The following PRDM2 variants were observed in gnomAD, a reference collection of about 807,000 sequenced individuals.
PRDM2 encodes the protein PR domain zinc finger protein 2.
In PRDM2, 30 loss-of-function variants were observed where a neutral mutation model predicts 130.0. The ratio of observed to expected loss-of-function variants is 0.23; its 90% confidence interval spans 0.17 to 0.31. The LOEUF (loss-of-function observed/expected upper bound fraction) is 0.31. Ranked by LOEUF, PRDM2 falls within the 10% of genes least tolerant of loss-of-function variation. The probability of loss-of-function intolerance (pLI) is 1.00; values close to 1 mark genes in which losing one functional copy is unlikely to be tolerated. For missense variants in PRDM2, 2,011 were observed against 2,108.4 expected (o/e 0.95, Z 0.90); for synonymous variants, 871 against 782.4 (o/e 1.11, Z -1.89).
chr1:13,811,039 C>T (rs945608374), intron 8 of PRDM2, among the ~76,000 whole-genome samples: 1 of 151,946 alleles, frequency 6.6e-6, no homozygotes, highest in African/African-American at 2.4e-5. Flanking sequence ...CAAAAATTAG[C>T]CGGGCATGGT....
intron 7 of PRDM2, among the ~76,000 whole-genome samples, chr1:13,776,604 T>C (rs2100649487): frequency 6.6e-6 from 1 of 152,346 alleles, no homozygotes; most frequent in South Asian, 2.1e-4. Flanking sequence ...GGAACTCTGT[T>C]AGACATTTGT....
intron 2 of PRDM2, among the ~76,000 whole-genome samples, chr1:13,724,308 T>C (rs953606456): frequency 6.6e-6 from 1 of 152,256 alleles, no homozygotes; most frequent in South Asian, 2.1e-4. Flanking sequence ...CAGTTTATTC[T>C]GGTATATTTT....
intron 4 of PRDM2, among the ~76,000 whole-genome samples, chr1:13,736,597 T>G (rs918920639): frequency 6.6e-6 from 1 of 152,214 alleles, no homozygotes; most frequent in Non-Finnish European, 1.5e-5. Flanking sequence ...TCTGATTATT[T>G]CCTTAAGATG....
intron 7 of PRDM2, 104 bp from the exon 8 acceptor site, chr1:13,778,314 T>C (rs969483633): frequency 1.7e-6 from 2 of 1,173,446 alleles, no homozygotes; most frequent in African/African-American, 3.1e-5. Flanking sequence ...ATCTCCCTTA[T>C]GTTTTAGGTG....
At chr1:13,813,567 G>A (rs894501710) in intron 8 of PRDM2, among the ~76,000 whole-genome samples, 4 of 152,214 alleles carry the variant, frequency 2.6e-5, no homozygotes, top group Admixed American at 2.0e-4. Flanking sequence ...TTTCTCATCC[G>A]TGAAAGGGGT....
chr1:13,767,670 A>G (rs182934346), intron 6 of PRDM2, among the ~76,000 whole-genome samples: 2 of 152,112 alleles, frequency 1.3e-5, no homozygotes, highest in East Asian at 3.9e-4. Context: ...GGATCTGTAG[A>G]GTGCTTTGTA....
chr1:13,758,995 C>CTT (rs1644032129), intron 6 of PRDM2, among the ~76,000 whole-genome samples: 1 of 152,006 alleles, frequency 6.6e-6, no homozygotes, highest in African/African-American at 2.4e-5. Flanking sequence ...CTTTTCATGA[C>CTT]TTTCAATTTT....
At position 13,793,362 on chromosome 1, in the gene PRDM2, C is replaced by G. The variant is rs528857547; in HGVS notation, c.5036+10531C>G. Among the ~76,000 whole-genome samples the G allele has an allele frequency of 1.2e-3, 176 of 152,366 alleles. 3 individuals are homozygous for G. In the South Asian group the frequency reaches 0.036, roughly 31 times the overall value. Reference sequence around the variant, plus strand: ...TTAATCCGCGTCAGGTGCTCAAGTCCTCACAAAAACAGACCTAGGGAGGCA... The same window carrying G: ...TTAATCCGCGTCAGGTGCTCAAGTCGTCACAAAAACAGACCTAGGGAGGCA... On this transcript the variant is annotated intron_variant, in intron 8 of 9. Coordinates refer to ENST00000311066, the MANE Select transcript of PRDM2 (RefSeq NM_001393986.1).
At chr1:13,701,596 A>G (rs946140219) in intron 1 of PRDM2, among the ~76,000 whole-genome samples, 5 of 152,158 alleles carry the variant, frequency 3.3e-5, no homozygotes, top group African/African-American at 1.2e-4. Context: ...AGGCTTCCGG[A>G]CTAACACTTA....
At chr1:13,786,660 A>G (rs1241696094) in intron 8 of PRDM2, 7 of 1,537,772 alleles carry the variant, frequency 4.6e-6, no homozygotes, top group South Asian at 3.6e-5. Context: ...CAAAAATCCT[A>G]ACATTCAGCT....
At chr1:13,818,574 A>G (rs1570135178) in intron 9 of PRDM2, among the ~76,000 whole-genome samples, 1 of 148,252 alleles carries the variant, frequency 6.7e-6, no homozygotes, top group Non-Finnish European at 1.5e-5. Context: ...TTTAGTAGAG[A>G]CGGGGTTTCA....
chr1:13,802,393 G>C (rs1220934147), intron 8 of PRDM2, among the ~76,000 whole-genome samples: 1 of 152,170 alleles, frequency 6.6e-6, no homozygotes, highest in Non-Finnish European at 1.5e-5. Flanking sequence ...CAGGAGCAGA[G>C]GGCGCCACAG....
intron 7 of PRDM2, 196 bp downstream of exon 7, chr1:13,773,384 C>A: frequency 2.6e-6 from 1 of 378,310 alleles, no homozygotes; most frequent in Non-Finnish European, 4.8e-6. Context: ...TTGTGAAAGA[C>A]TTTTCTTCTT....
chr1:13,715,814 G>A (rs7411176), intron 2 of PRDM2, among the ~76,000 whole-genome samples, 200 bp downstream of exon 2: 26,379 of 152,132 alleles, frequency 0.17, 2,889 homozygotes, highest in Admixed American at 0.24. Flanking sequence ...GTGGGTTGGC[G>A]TTTCTGTGGT....
At chr1:13,788,174 TA>T (rs1644779404) in intron 8 of PRDM2, 1 of 885,866 alleles carries the variant, frequency 1.1e-6, no homozygotes, top group Non-Finnish European at 1.4e-6. Context: ...CACTCTAATT[TA>T]AAAGTGCGGC....
chr1:13,765,815 T>C (rs921372976), intron 6 of PRDM2, among the ~76,000 whole-genome samples: 1 of 152,204 alleles, frequency 6.6e-6, no homozygotes, highest in Non-Finnish European at 1.5e-5. Flanking sequence ...CATCGATTCC[T>C]CTTCCTTACC....
At chr1:13,820,157 G>T (rs148612645) in intron 9 of PRDM2, among the ~76,000 whole-genome samples, 1 of 152,174 alleles carries the variant, frequency 6.6e-6, no homozygotes, top group Non-Finnish European at 1.5e-5. Context: ...TAATTGGGCC[G>T]TGCCTCCTTG....
intron 6 of PRDM2, among the ~76,000 whole-genome samples, chr1:13,759,476 G>T (rs1644044665): frequency 6.6e-6 from 1 of 152,076 alleles, no homozygotes; most frequent in Admixed American, 6.6e-5. Flanking sequence ...TGCCTTTCTG[G>T]TTCTGTTGGC....
At chr1:13,769,937 G>T (rs1326649271) in intron 6 of PRDM2, among the ~76,000 whole-genome samples, 1 of 152,022 alleles carries the variant, frequency 6.6e-6, no homozygotes, top group Non-Finnish European at 1.5e-5. Context: ...TAGAAGGGGG[G>T]GTGCCACTAG....
Sources: allele counts gnomAD v4.1 joint callset (sites outside exome capture counted in the v4.1 genomes callset), GRCh38; gene constraint gnomAD v4.1.1; transcripts MANE v1.5; gene names NCBI Gene and HGNC (gene_info 2026-07-23, HGNC 2026-07-21).